GOT1L1: variants seen among roughly 807,000 people sequenced by gnomAD.
The protein encoded by GOT1L1 is glutamic-oxaloacetic transaminase 1 like 1.
GOT1L1 carries 38 observed loss-of-function variants against 43.6 expected under a neutral mutation model. The observed-to-expected ratio is 0.87, with a 90% confidence interval of 0.67 to 1.14. GOT1L1 has a LOEUF of 1.14. Ranked by LOEUF, GOT1L1 falls within the 50% of genes most tolerant of loss-of-function variation. The probability of loss-of-function intolerance (pLI) is 0.00; values close to 1 mark genes in which losing one functional copy is unlikely to be tolerated. For missense variants in GOT1L1, 482 were observed against 504.0 expected (o/e 0.96, Z 0.42); for synonymous variants, 183 against 187.2 (o/e 0.98, Z 0.18).
intron 1 of GOT1L1, 73 bp downstream of exon 1, chr8:37,939,842 G>T: frequency 1.4e-6 from 2 of 1,453,738 alleles, no homozygotes; most frequent in African/African-American, 1.4e-5. Flanking sequence ...TCCCCCTGCA[G>T]CAGGGAACAC....
At chr8:37,938,264 G>A (rs919304029) in intron 2 of GOT1L1, among the ~76,000 whole-genome samples, 1 of 152,104 alleles carries the variant, frequency 6.6e-6, no homozygotes, top group Admixed American at 6.5e-5. Context: ...GGGCGTGATG[G>A]CACATGCCTG....
At chr8:37,936,605 G>GCT in intron 6 of GOT1L1, 115 bp downstream of exon 6, 5 of 899,698 alleles carry the variant, frequency 5.6e-6, no homozygotes, top group Non-Finnish European at 8.5e-6. Flanking sequence ...CTTCTATAGT[G>GCT]CTCTCCCTAG....
rs748420692 is a variant in GOT1L1, at chr8:37,934,340, T to C, written c.1219A>G (p.Met407Val). The C allele has an allele frequency of 5.0e-6, 8 of 1,613,794 alleles. No homozygotes were observed. The highest frequency in any genetic ancestry group is 8.5e-7 in the Non-Finnish European group (1 of 1,179,712). The change falls in exon 9 of 9, where the codon ATG becomes GTG. Residue 407 changes from methionine (M) to valine (V), a missense_variant. Met to Val is a conservative substitution (Grantham distance 21, BLOSUM62 1). Coordinates refer to ENST00000307599, the MANE Select transcript of GOT1L1 (RefSeq NM_152413.3). Reference protein sequence around the residue: ...EAVLLTESSEMCLPKEKKTLI... With the variant: ...EAVLLTESSEVCLPKEKKTLI... The stretch of plus-strand genomic sequence containing the variant: ...GTTTTTTTTTCCTTTGGAAGACACA[T>C]CTCTGAGCTCTCTGTGAGGAGGACA...
chr8:37,935,799 C>T lies in GOT1L1; in HGVS notation c.834G>A (p.Leu278=). The change falls in exon 7 of 9, where the codon CTG becomes CTA. Residue 278 remains leucine, a synonymous_variant. Coordinates refer to ENST00000307599, the MANE Select transcript of GOT1L1 (RefSeq NM_152413.3). ...GCCACAGGGCCTGGGCTAATCCTTCCAGCTGGGAGAGGACACACAGCAGCT... is the reference window on the plus strand; with the variant it reads ...GCCACAGGGCCTGGGCTAATCCTTCTAGCTGGGAGAGGACACACAGCAGCT... ...NQQLLCVLSQ[L]EGLAQALWLN... is the part of the protein sequence containing the mutation. 2 of 1,613,130 alleles carry T rather than the reference C, an allele frequency of 1.2e-6. No homozygotes were observed. The highest frequency in any genetic ancestry group is 1.7e-6 in the Non-Finnish European group (2 of 1,179,518).
chr8:37,939,783 T>A (rs1243101397), intron 1 of GOT1L1, 132 bp downstream of exon 1: 1 of 842,704 alleles, frequency 1.2e-6, no homozygotes, highest in African/African-American at 1.7e-5. Context: ...TGGGTAATTC[T>A]GTTAACAAGA....
At position 37,935,232 on chromosome 8, in the gene GOT1L1, A is replaced by G. The variant is rs759718789; in HGVS notation, c.930-17T>C. 7 of 1,573,684 alleles carry G rather than the reference A, an allele frequency of 4.4e-6. No homozygotes were observed. The highest frequency in any genetic ancestry group is 6.0e-6 in the Non-Finnish European group (7 of 1,158,906). ...CTCTGCTTCCTACCAAGGAAGGACA[A>G]TGAGAAAGGAGGGTGTGAGGTCCCC... On this transcript the variant is annotated splice_polypyrimidine_tract_variant and intron_variant, in intron 7 of 8. Transcript: ENST00000307599.
At chr8:37,935,013 T>C in intron 8 of GOT1L1, 60 bp downstream of exon 8, 1 of 1,585,264 alleles carries the variant, frequency 6.3e-7, no homozygotes, top group Non-Finnish European at 8.6e-7. Flanking sequence ...CAGTGAAGTT[T>C]AATGCTCAAA....
Position 37,934,484 on chromosome 8 carries a change from G to T in GOT1L1, c.1075C>A (p.Gln359Lys). 1 of 1,610,360 alleles carries T rather than the reference G, an allele frequency of 6.2e-7. No homozygotes were observed. The highest frequency in any genetic ancestry group is 8.5e-7 in the Non-Finnish European group (1 of 1,176,834). ...TTCCTGACCAGGTATTCCACCTGCT[G>T]GGCTAAAATCATGACAAGGTCTCAG... ...GTHGYLGLNSQQVEYLVRKKH... is the reference protein window; with the variant it reads ...GTHGYLGLNSKQVEYLVRKKH... Residue 359 changes from glutamine (Q) to lysine (K), a missense_variant and splice_region_variant, in exon 9 of 9, where the codon CAG (glutamine) becomes AAG (lysine). Coordinates refer to ENST00000307599, the MANE Select transcript of GOT1L1 (RefSeq NM_152413.3).
Position 37,935,244 on chromosome 8 carries a change from G to T in GOT1L1, c.930-29C>A, listed in dbSNP as rs1434946431. The T allele has an allele frequency of 6.4e-6, 10 of 1,560,500 alleles. No individual in the cohort carries two copies. In the Admixed American group the frequency reaches 1.7e-4, roughly 27 times the overall value. On this transcript the variant is annotated intron_variant, in intron 7 of 8. Transcript: ENST00000307599. ...CCAAGGAAGGACAATGAGAAAGGAG[G>T]GTGTGAGGTCCCCCTTGCCCTCAAA...
In GOT1L1 at chr8:37,937,709, T is replaced by C. The variant is rs1489622486; in HGVS notation, c.338A>G (p.Gln113Arg). Residue 113 changes from glutamine to arginine, a missense_variant, in exon 3 of 9, where the codon CAG becomes CGG. Physicochemically the swap from Gln to Arg is conservative, Grantham distance 43. Transcript: ENST00000307599. ...AGCTCTGAGAAACTGGACGCCAAGC[T>C]GGAAGGCACCACTGTCACCAACAGT... ...VHTVGDSGAF[Q>R]LGVQFLRAWH... 1.2e-6 allele frequency: 2 copies of C among 1,613,258 alleles called. No individual in the cohort carries two copies. The highest frequency in any genetic ancestry group is 1.7e-6 in the Non-Finnish European group (2 of 1,179,636).
At position 37,935,599 on chromosome 8, in the gene GOT1L1, G is replaced by C. The variant is rs1368745683; in HGVS notation, c.929+105C>G. The C allele has an allele frequency of 4.7e-6, 5 of 1,054,176 alleles. No homozygotes were observed. In the African/African-American group the frequency reaches 8.2e-5, roughly 17 times the overall value. The allele number at this position is 1,054,176 out of a possible 1,614,324, so 65.3% of individuals were successfully genotyped here. ...GTTGATGAATGAATGGAGTAAAAAG[G>C]CCACATGGGCAGGAGAGAAGCACCC... is the stretch of plus-strand genomic sequence containing the variant. On this transcript the variant is annotated intron_variant, in intron 7 of 8. Transcript: ENST00000307599.
rs1223382057 is a variant in GOT1L1, at chr8:37,934,291, G to T, written c.*2C>A. On this transcript the variant is annotated 3_prime_UTR_variant, in exon 9 of 9. Coordinates refer to ENST00000307599, the MANE Select transcript of GOT1L1 (RefSeq NM_152413.3). Reference sequence around the variant, plus strand: ...ATAATCAGCACAAGATTTTTGCAAAGACTAAAGTTTTATTCCAATCAGTGT... The same window carrying T: ...ATAATCAGCACAAGATTTTTGCAAATACTAAAGTTTTATTCCAATCAGTGT... 1 of 1,606,820 alleles carries T rather than the reference G, an allele frequency of 6.2e-7. No homozygotes were observed. The highest frequency in any genetic ancestry group is 8.5e-7 in the Non-Finnish European group (1 of 1,175,438).
In GOT1L1 at chr8:37,935,841, C is replaced by T. The variant is rs750635428; in HGVS notation, c.792G>A (p.Val264=). 1 of 1,612,962 alleles carries T rather than the reference C, an allele frequency of 6.2e-7. No homozygotes were observed. The highest frequency in any genetic ancestry group is 2.2e-5 in the East Asian group (1 of 44,812). ...ACAGCAGCTGCTGGTTGTTGACTGC[C>T]ACCACCACTAGCATCCCCACTCCTT... ...YDEGVGMLVV[V]AVNNQQLLCV... is the part of the protein sequence containing the mutation. Residue 264 remains valine, a synonymous_variant, in exon 7 of 9, where the codon GTG becomes GTA. Coordinates refer to ENST00000307599, the MANE Select transcript of GOT1L1 (RefSeq NM_152413.3).
At position 37,937,033 on chromosome 8, in the gene GOT1L1, C is replaced by A; in HGVS notation, c.544G>T (p.Val182Leu). Residue 182 changes from valine (V) to leucine (L), a missense_variant, in exon 5 of 9, where the codon GTG becomes TTG. Transcript: ENST00000307599. Reference protein sequence around the residue: ...VEQIPHGCVLVMGNIIDCKLT... With the variant: ...VEQIPHGCVLLMGNIIDCKLT... ...TTGCAGTCGATAATGTTCCCCATCA[C>A]AAGGACACAGCCATGTGGGATCTGC... The A allele has an allele frequency of 6.2e-7, 1 of 1,613,962 alleles. No homozygotes were observed. Among genetic ancestry groups the A allele is most frequent in the East Asian group, 2.2e-5 (1 of 44,884 alleles).
chr8:37,939,431 A>AAAAAAAAAAAAAATAT (rs1237987679), intron 1 of GOT1L1, among the ~76,000 whole-genome samples: 2 of 41,696 alleles, frequency 4.8e-5, no homozygotes, highest in African/African-American at 8.6e-5. Flanking sequence ...AAAAAAAAAA[A>AAAAAAAAAAAAAATAT]ATATATATAT....
Position 37,936,784 on chromosome 8 carries a change from G to T in GOT1L1, c.699C>A (p.Tyr233Ter). 1 of 1,613,152 alleles carries T rather than the reference G, an allele frequency of 6.2e-7. No homozygotes were observed. Among genetic ancestry groups the T allele is most frequent in the Non-Finnish European group, 8.5e-7 (1 of 1,179,224 alleles). Residue 233 changes from tyrosine to a stop codon, truncating the protein, a stop_gained, in exon 6 of 9, where the codon TAC becomes TAA. Transcript: ENST00000307599. LOFTEE classifies it high-confidence loss of function. ...DLEEDTRILQ[Y>*]FVSQGFEFFC... ...AGAACTCAAAGCCTTGAGACACAAA[G>T]TATTGTAAGATTCTAGTATCTTCTT... is the stretch of plus-strand genomic sequence containing the variant.
At position 37,938,623 on chromosome 8, in the gene GOT1L1, T is replaced by G. The variant is rs561444910; in HGVS notation, c.297+77A>C. ...TACCAGGGGGCCCTCCGAGGTCCCC[T>G]TCGGGTTTAAGGTTGTGCAGACCCA... On this transcript the variant is annotated intron_variant, in intron 2 of 8. Transcript: ENST00000307599. The G allele has an allele frequency of 1.7e-5, 23 of 1,366,402 alleles. No individual in the cohort carries two copies. The East Asian group carries it at 5.1e-4, about 30-fold the overall frequency. 84.6% of individuals were successfully genotyped at this position (1,366,402 alleles called of 1,614,324 possible). A position where few individuals can be genotyped will look rare whatever the true frequency, so the allele number is the denominator to read the frequency against.
intron 3 of GOT1L1, 26 bp from the exon 4 acceptor site, chr8:37,937,412 C>T: frequency 6.9e-7 from 1 of 1,456,984 alleles, no homozygotes; most frequent in Non-Finnish European, 9.4e-7. Flanking sequence ...CCCCCACTAG[C>T]TGGTACATGG....
chr8:37,938,596 A>G, intron 2 of GOT1L1, 104 bp downstream of exon 2: 1 of 997,132 alleles, frequency 1.0e-6, no homozygotes, highest in Non-Finnish European at 1.4e-6. Flanking sequence ...CTCTTTTATC[A>G]ATACCAGGGG....
Sources: allele counts gnomAD v4.1 joint callset (sites outside exome capture counted in the v4.1 genomes callset), GRCh38; gene constraint gnomAD v4.1.1; transcripts MANE v1.5; gene names NCBI Gene and HGNC (gene_info 2026-07-23, HGNC 2026-07-21).